Variants in KCNH1 observed in about 807,000 individuals in gnomAD.
KCNH1 encodes potassium voltage-gated channel subfamily H member 1.
A neutral mutation model predicts 69.2 loss-of-function variants in KCNH1; 27 were observed. The observed-to-expected ratio is 0.39, with a 90% CI of 0.29 to 0.54. KCNH1 has a LOEUF of 0.54. KCNH1 is among the 20% of genes least tolerant of loss of function. The pLI, the probability that KCNH1 is intolerant of heterozygous loss-of-function variation, is 0.68. For missense variants in KCNH1, 798 were observed against 1,261.6 expected, an observed-to-expected ratio of 0.63 and a Z score of 5.57; for synonymous variants, 456 against 487.7, an observed-to-expected ratio of 0.93 and a Z score of 0.86.
intron 7 of KCNH1, among the ~76,000 whole-genome samples, chr1:210,847,962 G>A (rs147212110): frequency 6.6e-6 from 1 of 152,234 alleles, no homozygotes; most frequent in African/African-American, 2.4e-5. Context: ...CCAGATCCTG[G>A]AAGGCAACTG....
chr1:210,683,321 T>C lies in KCNH1; in HGVS notation c.2930A>G (p.Gln977Arg), dbSNP rs1334977288. The C allele has an allele frequency of 6.2e-7, 1 of 1,614,044 alleles. No homozygotes were observed. The highest frequency in any genetic ancestry group is 1.7e-5 in the Admixed American group (1 of 60,008). The change falls in exon 11 of 11, where the codon CAG (glutamine) becomes CGG (arginine). Residue 977 changes from glutamine to arginine, a missense_variant. Physicochemically the swap from Gln to Arg is conservative, Grantham distance 43 (BLOSUM62 1). Transcript: ENST00000271751. The surrounding 1 kb of genome is among the most constrained non-coding windows in gnomAD (Gnocchi z 5.7). ...PQELFEISRP[Q>R]SPESERDIFG... Reference sequence around the variant, plus strand: ...AATGTCTCTCTCTGATTCTGGGGACTGTGGCCTCGATATTTCAAACAACTC... The same window carrying C: ...AATGTCTCTCTCTGATTCTGGGGACCGTGGCCTCGATATTTCAAACAACTC...
chr1:210,938,838 T>G (rs963809037), intron 6 of KCNH1, among the ~76,000 whole-genome samples: 3 of 152,220 alleles, frequency 2.0e-5, no homozygotes, highest in Non-Finnish European at 4.4e-5. Context: ...TAAATATTAG[T>G]GTGGATTTGA....
chr1:211,048,361 T>C (rs1690131345), intron 5 of KCNH1, among the ~76,000 whole-genome samples: 1 of 152,168 alleles, frequency 6.6e-6, no homozygotes, highest in East Asian at 1.9e-4. Flanking sequence ...TAAGTCATTA[T>C]ATGAAAAAGA....
rs1239754413 is a variant in KCNH1 at position 211,069,262 on chromosome 1, GAACTATAGAA to G, written c.558+13508_558+13517del. Reference sequence around the variant, plus strand: ...CACTAAAAACTGAGACCTAATCACAGAACTATAGAACATTCCTCCCCCACCCCCCACCCTA... The same window carrying G: ...CACTAAAAACTGAGACCTAATCACAGCATTCCTCCCCCACCCCCCACCCTA... On this transcript the variant is annotated intron_variant, in intron 5 of 10. Coordinates refer to ENST00000271751, the MANE Select transcript of KCNH1 (RefSeq NM_172362.3). 5.1e-5 allele frequency among the ~76,000 whole-genome samples: 7 copies of G among 136,450 alleles called. No individual in the cohort carries two copies. The East Asian group carries it at 1.4e-3, about 28-fold the overall frequency. 89.5% of individuals were successfully genotyped at this position (136,450 alleles called of 152,430 possible).
chr1:210,917,057 AG>A (rs1318727618), intron 7 of KCNH1, among the ~76,000 whole-genome samples: 1 of 151,892 alleles, frequency 6.6e-6, no homozygotes, highest in African/African-American at 2.4e-5. Flanking sequence ...CTAAGGCAGG[AG>A]AATCACTTGA....
intron 6 of KCNH1, among the ~76,000 whole-genome samples, chr1:210,991,241 G>A (rs555554392): frequency 3.9e-4 from 59 of 152,256 alleles, no homozygotes; most frequent in African/African-American, 1.2e-3. Context: ...CAAAGAAAAC[G>A]TAGTATATAC....
intron 6 of KCNH1, among the ~76,000 whole-genome samples, chr1:210,972,245 A>G (rs1341979272): frequency 6.6e-6 from 1 of 152,094 alleles, no homozygotes; most frequent in Admixed American, 6.6e-5. Flanking sequence ...TGATCCTTAC[A>G]AGGACCCCAT....
At chr1:210,734,951 G>A (rs1056398291) in intron 10 of KCNH1, among the ~76,000 whole-genome samples, 3 of 151,994 alleles carry the variant, frequency 2.0e-5, no homozygotes, top group African/African-American at 7.3e-5. Flanking sequence ...AAGCCCTTTG[G>A]TAGCTCCTAC....
intron 5 of KCNH1, among the ~76,000 whole-genome samples, chr1:211,034,761 G>C (rs962446893): frequency 2.6e-5 from 4 of 152,224 alleles, no homozygotes; most frequent in African/African-American, 9.6e-5. Flanking sequence ...AGTTATACAG[G>C]GGCTTATTGC....
At chr1:210,817,725 G>A (rs1020267537) in intron 7 of KCNH1, among the ~76,000 whole-genome samples, 1 of 152,132 alleles carries the variant, frequency 6.6e-6, no homozygotes, top group African/African-American at 2.4e-5. Flanking sequence ...TTGCACATGG[G>A]ACACAGAGAG....
intron 6 of KCNH1, among the ~76,000 whole-genome samples, chr1:210,999,643 A>G (rs1427764607): frequency 6.6e-6 from 1 of 152,212 alleles, no homozygotes; most frequent in African/African-American, 2.4e-5. Context: ...AAAAAGAGGG[A>G]ATCCTCCCTA....
intron 6 of KCNH1, among the ~76,000 whole-genome samples, chr1:210,938,408 A>G (rs1356863930): frequency 6.6e-6 from 1 of 152,230 alleles, no homozygotes; most frequent in East Asian, 1.9e-4. Flanking sequence ...ATATTGTGCC[A>G]TGTGAATTTA....
chr1:210,992,715 C>T (rs1222800595), intron 6 of KCNH1, among the ~76,000 whole-genome samples: 2 of 152,036 alleles, frequency 1.3e-5, no homozygotes, highest in East Asian at 1.9e-4. Context: ...GGAATCTTTT[C>T]GTTTTTATAC....
intron 8 of KCNH1, 98 bp downstream of exon 8, chr1:210,803,869 G>T: frequency 9.5e-7 from 1 of 1,055,794 alleles, no homozygotes; most frequent in Non-Finnish European, 1.4e-6. Flanking sequence ...TGAATTCTGA[G>T]CACAGCCAGG....
At chr1:210,992,168 A>G (rs1688950005) in intron 6 of KCNH1, among the ~76,000 whole-genome samples, 1 of 152,214 alleles carries the variant, frequency 6.6e-6, no homozygotes, top group Non-Finnish European at 1.5e-5. Context: ...GCAAGTAGAC[A>G]CTGCCCTTAT....
intron 10 of KCNH1, among the ~76,000 whole-genome samples, chr1:210,736,404 C>G (rs1386858870): frequency 6.6e-6 from 1 of 152,064 alleles, no homozygotes; most frequent in Non-Finnish European, 1.5e-5. Context: ...CAAAAGTAGA[C>G]AGGTGTGGTG....
chr1:210,883,880 C>A (rs1026925730), intron 7 of KCNH1, among the ~76,000 whole-genome samples: 1 of 152,194 alleles, frequency 6.6e-6, no homozygotes, highest in Non-Finnish European at 1.5e-5. Flanking sequence ...AATGACTGAA[C>A]AAGATTCATC....
chr1:210,886,248 A>G (rs1442777605), intron 7 of KCNH1, among the ~76,000 whole-genome samples: 1 of 152,208 alleles, frequency 6.6e-6, no homozygotes, highest in Non-Finnish European at 1.5e-5. Flanking sequence ...ATACCCAGGC[A>G]AACAGGGTCT....
chr1:210,973,390 A>G (rs1208371592), intron 6 of KCNH1, among the ~76,000 whole-genome samples: 1 of 151,922 alleles, frequency 6.6e-6, no homozygotes, highest in African/African-American at 2.4e-5. Flanking sequence ...GTCAACAAAG[A>G]CTCTTTCTCT....
Sources: allele counts gnomAD v4.1 joint callset (sites outside exome capture counted in the v4.1 genomes callset), GRCh38; gene constraint gnomAD v4.1.1; non-coding constraint Gnocchi (gnomAD v3.1); transcripts MANE v1.5; gene names NCBI Gene and HGNC (gene_info 2026-07-23, HGNC 2026-07-21).